Variants in ASXL2 observed in about 807,000 individuals in gnomAD.
ASXL2 encodes the protein putative Polycomb group protein ASXL2.
Under a neutral mutation model 122.0 loss-of-function variants are expected in ASXL2, and 23 were observed. The ratio of observed to expected loss-of-function variants is 0.19; its 90% CI spans 0.14 to 0.27. ASXL2 has a LOEUF of 0.27. Among genes scored for constraint, ASXL2 ranks in the 10% least tolerant of loss-of-function variants. The pLI, the probability that ASXL2 is intolerant of heterozygous loss-of-function variation, is 1.00. For synonymous variants in ASXL2, 650 were observed against 637.0 expected (o/e 1.02, Z -0.31); for missense variants, 1,518 against 1,713.8 (o/e 0.89, Z 2.02).
At chr2:25,760,685 C>T (rs956478532) in intron 8 of ASXL2, among the ~76,000 whole-genome samples, 4 of 152,180 alleles carry the variant, frequency 2.6e-5, no homozygotes, top group African/African-American at 7.2e-5. Context: ...AAGGATTTCC[C>T]TCAAATTAAT....
intron 3 of ASXL2, among the ~76,000 whole-genome samples, chr2:25,817,907 A>G (rs1022938321): frequency 6.6e-6 from 1 of 152,204 alleles, no homozygotes; most frequent in African/African-American, 2.4e-5. Flanking sequence ...AGACAAGCCA[A>G]AGATGAAGCT....
At position 25,737,218 on chromosome 2, in the gene ASXL2, GA is replaced by G. The variant is rs927303523; in HGVS notation, c.*4810del. On this transcript the variant is annotated 3_prime_UTR_variant, in exon 13 of 13. Coordinates refer to ENST00000435504, the MANE Select transcript of ASXL2 (RefSeq NM_018263.6). ...TCACTTCTGAGAGAACTGGGAAACG[GA>G]AAAAAAAAAATTTCTATCATCTTCA... is the stretch of plus-strand genomic sequence containing the variant. 1.2e-4 allele frequency: 18 copies of G among 146,814 alleles called. No homozygotes were observed. Among genetic ancestry groups the G allele is most frequent in the East Asian group, 3.9e-4 (2 of 5,076 alleles). The allele number at this position is 146,814 out of a possible 1,614,324, so 9.1% of individuals were successfully genotyped here.
At chr2:25,810,707 G>C in intron 3 of ASXL2, 1 of 647,876 alleles carries the variant, frequency 1.5e-6, no homozygotes, top group Non-Finnish European at 2.8e-6. Context: ...CCTCTGCTCA[G>C]CGTTGCAGCT....
chr2:25,862,911 G>A (rs1030525566), intron 1 of ASXL2, among the ~76,000 whole-genome samples: 15 of 151,930 alleles, frequency 9.9e-5, no homozygotes, highest in African/African-American at 3.6e-4. Context: ...CAGCCAAAAC[G>A]TAAGATTTTT....
intron 3 of ASXL2, among the ~76,000 whole-genome samples, chr2:25,831,685 T>G (rs2149186872): frequency 6.6e-6 from 1 of 152,050 alleles, no homozygotes; most frequent in Non-Finnish European, 1.5e-5. Context: ...TGTAACAGGA[T>G]TTAAAAAGAA....
intron 3 of ASXL2, among the ~76,000 whole-genome samples, chr2:25,819,576 T>G (rs2089282037): frequency 6.6e-6 from 1 of 152,120 alleles, no homozygotes; most frequent in Non-Finnish European, 1.5e-5. Context: ...CTGCACAACT[T>G]AAATCTAATC....
At chr2:25,863,684 C>A (rs1430044166) in intron 1 of ASXL2, among the ~76,000 whole-genome samples, 1 of 151,390 alleles carries the variant, frequency 6.6e-6, no homozygotes, top group African/African-American at 2.4e-5. Context: ...CAGAGTAAGA[C>A]TCTGTCTCAA....
chr2:25,763,714 C>A (rs115203672), intron 8 of ASXL2, among the ~76,000 whole-genome samples: 3,575 of 152,254 alleles, frequency 0.023, 57 homozygotes, highest in African/African-American at 0.041. Context: ...TACATATATT[C>A]ACTCATTTAT....
rs545275969 is a variant in ASXL2, at chr2:25,771,389, G to A, written c.504+51C>T. On this transcript the variant is annotated intron_variant, in intron 6 of 12. Coordinates refer to ENST00000435504, the MANE Select transcript of ASXL2 (RefSeq NM_018263.6). ...TATCCGATGACTGCCAGAGGTGTGC[G>A]TTTTAAATACAGGAAATTCTACTTG... is the stretch of plus-strand genomic sequence containing the variant. The A allele has an allele frequency of 1.3e-3, 1,966 of 1,521,076 alleles. 2 individuals carry two copies. The highest frequency in any genetic ancestry group is 1.7e-3 in the Non-Finnish European group (1,890 of 1,112,662). The allele number at this position is 1,521,076 out of a possible 1,614,324, so 94.2% of individuals were successfully genotyped here.
intron 1 of ASXL2, among the ~76,000 whole-genome samples, chr2:25,865,774 CAAAAAAAAAAAAAA>C (rs61021417): frequency 1.8e-5 from 1 of 55,536 alleles, no homozygotes; most frequent in Non-Finnish European, 3.0e-5. Context: ...GACTCCGTCT[CAAAAAAAAAAAAAA>C]AAAAAAAAAA....
At chr2:25,857,651 T>C (rs1382765596) in intron 1 of ASXL2, among the ~76,000 whole-genome samples, 1 of 152,166 alleles carries the variant, frequency 6.6e-6, no homozygotes, top group Non-Finnish European at 1.5e-5. Context: ...TGGTCAAATG[T>C]CAACTTCTCA....
chr2:25,839,107 C>G (rs2089547752), intron 2 of ASXL2, among the ~76,000 whole-genome samples: 1 of 152,086 alleles, frequency 6.6e-6, no homozygotes. Context: ...TAAAAGCTTA[C>G]AAAATTGTTT....
rs973169079 is a variant in ASXL2 at position 25,740,558 on chromosome 2, A to T, written c.*1471T>A. 5 of 229,778 alleles carry T rather than the reference A, an allele frequency of 2.2e-5. No individual in the cohort carries two copies. Among genetic ancestry groups the T allele is most frequent in the African/African-American group, 1.1e-4 (5 of 45,184 alleles). The allele number at this position is 229,778 out of a possible 1,614,324, so 14.2% of individuals were successfully genotyped here. ...TCTGTTAAACTGCAGGTTTATTTTA[A>T]TGTTCCTTAACCATGACCTAAATAT... On this transcript the variant is annotated 3_prime_UTR_variant, in exon 13 of 13. Coordinates refer to ENST00000435504, the MANE Select transcript of ASXL2 (RefSeq NM_018263.6).
At chr2:25,809,980 C>T (rs915480736) in intron 3 of ASXL2, 1 of 529,634 alleles carries the variant, frequency 1.9e-6, no homozygotes, top group African/African-American at 1.9e-5. Flanking sequence ...TACAGAGTGC[C>T]CCTCTTTGGT....
chr2:25,875,623 G>A (rs2090003780), intron 1 of ASXL2, among the ~76,000 whole-genome samples: 1 of 152,066 alleles, frequency 6.6e-6, no homozygotes, highest in Non-Finnish European at 1.5e-5. Flanking sequence ...CATTTAATGT[G>A]TTGAATATAT....
At chr2:25,776,156 A>T (rs2149158970) in intron 5 of ASXL2, among the ~76,000 whole-genome samples, 1 of 152,260 alleles carries the variant, frequency 6.6e-6, no homozygotes, top group South Asian at 2.1e-4. Context: ...GTTAACCGTT[A>T]CTCATCTTTT....
At chr2:25,818,906 CA>C (rs1285816526) in intron 3 of ASXL2, among the ~76,000 whole-genome samples, 1 of 152,050 alleles carries the variant, frequency 6.6e-6, no homozygotes, top group Non-Finnish European at 1.5e-5. Flanking sequence ...TTCTAATAAT[CA>C]AAAAAGAACA....
rs147871808 is a variant in ASXL2, at chr2:25,823,222, T to C, written c.143+12316A>G. On this transcript the variant is annotated intron_variant, in intron 3 of 12. Transcript: ENST00000435504. ...AGCTGTTGAGTGAGGTCCTAGGCAA[T>C]TGATGCAGCAGTTGTGATAAATAAA... is the stretch of plus-strand genomic sequence containing the variant. Among the ~76,000 whole-genome samples the C allele has an allele frequency of 3.6e-3, 547 of 152,340 alleles. 4 individuals carry two copies. Among genetic ancestry groups the C allele is most frequent in the African/African-American group, 0.012 (493 of 41,562 alleles).
At position 25,740,237 on chromosome 2, in the gene ASXL2, A is replaced by T; in HGVS notation, c.*1792T>A. ...GTGAGTTTCTTACGGAGAGGAGCGGAGCAGGGGCTGTGGGAAAGCATCGAA... is the reference window on the plus strand; with the variant it reads ...GTGAGTTTCTTACGGAGAGGAGCGGTGCAGGGGCTGTGGGAAAGCATCGAA... On this transcript the variant is annotated 3_prime_UTR_variant, in exon 13 of 13. Coordinates refer to ENST00000435504, the MANE Select transcript of ASXL2 (RefSeq NM_018263.6). 1 of 214,420 alleles carries T rather than the reference A, an allele frequency of 4.7e-6. No individual in the cohort carries two copies. 13.3% of individuals were successfully genotyped at this position (214,420 alleles called of 1,614,324 possible). A position where few individuals can be genotyped will look rare whatever the true frequency, so the allele number is the denominator to read the frequency against.
Sources: allele counts gnomAD v4.1 joint callset (sites outside exome capture counted in the v4.1 genomes callset), GRCh38; gene constraint gnomAD v4.1.1; transcripts MANE v1.5; gene names NCBI Gene and HGNC (gene_info 2026-07-23, HGNC 2026-07-21).